Variants in KDM4C observed in about 807,000 individuals in gnomAD.
KDM4C encodes lysine-specific demethylase 4C.
KDM4C carries 81 observed loss-of-function variants against 129.3 expected under a neutral mutation model. That is an observed-to-expected ratio of 0.63 (90% confidence interval 0.52 to 0.75). The LOEUF (loss-of-function observed/expected upper bound fraction) is 0.75. Among genes scored for constraint, KDM4C ranks in the 30% least tolerant of loss-of-function variants. The pLI is 0.00. For synonymous variants in KDM4C, 573 were observed against 456.1 expected (o/e 1.26, Z -3.26); for missense variants, 1,457 against 1,304.0 (o/e 1.12, Z -1.81).
chr9:7,044,359 C>G (rs1224936089), intron 15 of KDM4C, among the ~76,000 whole-genome samples: 3 of 151,956 alleles, frequency 2.0e-5, no homozygotes, highest in African/African-American at 7.3e-5. Flanking sequence ...CCTGATGATT[C>G]TAGCCCTCTG....
chr9:6,920,098 A>C (rs1001414745), intron 8 of KDM4C, among the ~76,000 whole-genome samples: 4 of 151,942 alleles, frequency 2.6e-5, no homozygotes, highest in Non-Finnish European at 5.9e-5. Flanking sequence ...TGGAGTTGTC[A>C]CTCCAAAGCC....
chr9:7,145,631 A>G (rs536037940), intron 19 of KDM4C, among the ~76,000 whole-genome samples: 208 of 152,358 alleles, frequency 1.4e-3, no homozygotes, highest in Non-Finnish European at 2.3e-3. Flanking sequence ...TTTTGCTGCA[A>G]TTGTTAGGAA....
intron 17 of KDM4C, among the ~76,000 whole-genome samples, chr9:7,066,461 A>G (rs561049360): frequency 7.5e-4 from 115 of 152,326 alleles, no homozygotes; most frequent in African/African-American, 2.6e-3. Flanking sequence ...CTGTTTCCTA[A>G]TGTCAGGATA....
At chr9:6,746,709 G>A (rs1404135665) in intron 1 of KDM4C, among the ~76,000 whole-genome samples, 1 of 142,530 alleles carries the variant, frequency 7.0e-6, no homozygotes, top group Non-Finnish European at 1.5e-5. Context: ...GCAAAACCTC[G>A]TCTCTAAGAA....
At chr9:7,017,973 T>C (rs1823987063) in intron 15 of KDM4C, among the ~76,000 whole-genome samples, 1 of 152,212 alleles carries the variant, frequency 6.6e-6, no homozygotes, top group Admixed American at 6.5e-5. Context: ...CTGAATAATC[T>C]GGTATATTTA....
intron 15 of KDM4C, among the ~76,000 whole-genome samples, chr9:7,035,141 T>C (rs1251087372): frequency 3.3e-5 from 5 of 150,712 alleles, no homozygotes; most frequent in Non-Finnish European, 5.9e-5. Flanking sequence ...GCCTCCCAAG[T>C]AGCTGGGACT....
intron 17 of KDM4C, among the ~76,000 whole-genome samples, chr9:7,059,980 A>G (rs548049526): frequency 4.6e-5 from 7 of 152,250 alleles, no homozygotes; most frequent in African/African-American, 1.7e-4. Flanking sequence ...TAAGAGTATA[A>G]AAGAGTCCGG....
intron 3 of KDM4C, among the ~76,000 whole-genome samples, chr9:6,808,026 G>A (rs1345728330): frequency 9.2e-6 from 1 of 109,202 alleles, no homozygotes; most frequent in African/African-American, 4.3e-5. Flanking sequence ...CAGCCGCCCC[G>A]TCCGGGAGGT....
chr9:7,059,966 C>A (rs74388095), intron 17 of KDM4C, among the ~76,000 whole-genome samples: 2 of 152,010 alleles, frequency 1.3e-5, no homozygotes, highest in South Asian at 4.2e-4. Context: ...TCCTTAATAA[C>A]GTTTAAGAGT....
intron 1 of KDM4C, among the ~76,000 whole-genome samples, chr9:6,771,503 G>T (rs934422239): frequency 1.3e-5 from 2 of 151,388 alleles, no homozygotes; most frequent in Non-Finnish European, 2.9e-5. Context: ...TAGAGACGGG[G>T]TTTCTCCATG....
intron 19 of KDM4C, among the ~76,000 whole-genome samples, chr9:7,153,851 G>T (rs1842925661): frequency 6.6e-6 from 1 of 152,184 alleles, no homozygotes; most frequent in Admixed American, 6.5e-5. Context: ...GCAGCTATGG[G>T]CAAGACCAGA....
chr9:6,775,627 ATTC>A (rs1268802580), intron 1 of KDM4C, among the ~76,000 whole-genome samples: 1 of 151,848 alleles, frequency 6.6e-6, no homozygotes, highest in African/African-American at 2.4e-5. Flanking sequence ...GGTTCAAGCA[ATTC>A]TTCTGCCTCA....
chr9:6,877,486 C>T (rs1478331688), intron 5 of KDM4C, among the ~76,000 whole-genome samples: 2 of 152,212 alleles, frequency 1.3e-5, no homozygotes, highest in East Asian at 1.9e-4. Context: ...AGGCGTGAGC[C>T]ACCACACCTG....
intron 8 of KDM4C, among the ~76,000 whole-genome samples, chr9:6,929,471 CTTTTT>C (rs59537472): frequency 0.27 from 34,597 of 127,422 alleles, 4,292 homozygotes; most frequent in South Asian, 0.41. Context: ...TTGACTTTTT[CTTTTT>C]TTTTTTTTTT....
At chr9:6,880,207 T>A (rs1203550041) in intron 6 of KDM4C, 146 bp downstream of exon 6, 20 of 450,744 alleles carry the variant, frequency 4.4e-5, no homozygotes, top group African/African-American at 3.6e-4. Context: ...ACATGTTTTT[T>A]TAATTGAACA....
chr9:7,026,944 T>A (rs1160797524), intron 15 of KDM4C, among the ~76,000 whole-genome samples: 1 of 152,092 alleles, frequency 6.6e-6, no homozygotes, highest in African/African-American at 2.4e-5. Context: ...TCTTTTTAAT[T>A]ATTTCAATCT....
At chr9:6,732,885 C>T (rs568491446) in intron 1 of KDM4C, among the ~76,000 whole-genome samples, 24 of 152,282 alleles carry the variant, frequency 1.6e-4, no homozygotes, top group African/African-American at 4.8e-4. Flanking sequence ...TGGTGGCACA[C>T]GCCTGTAGTC....
At chr9:7,004,964 A>G (rs1336894403) in intron 12 of KDM4C, among the ~76,000 whole-genome samples, 1 of 152,208 alleles carries the variant, frequency 6.6e-6, no homozygotes, top group African/African-American at 2.4e-5. Context: ...AGTTCTACTG[A>G]GTGTCCGGGC....
chr9:6,944,408 C>G (rs1826498858), intron 8 of KDM4C, among the ~76,000 whole-genome samples: 1 of 152,114 alleles, frequency 6.6e-6, no homozygotes, highest in African/African-American at 2.4e-5. Context: ...AGTTTGAGTA[C>G]ATTGTTCAAA....
Sources: allele counts gnomAD v4.1 joint callset (sites outside exome capture counted in the v4.1 genomes callset), GRCh38; gene constraint gnomAD v4.1.1; transcripts MANE v1.5; gene names NCBI Gene and HGNC (gene_info 2026-07-23, HGNC 2026-07-21).